The following PCDH9 variants were observed in gnomAD, a reference collection of about 807,000 sequenced individuals.
The protein encoded by PCDH9 is protocadherin-9.
In PCDH9, 24 loss-of-function variants were observed where a neutral mutation model predicts 70.6. The observed-to-expected ratio is 0.34, with a 90% CI of 0.25 to 0.48. The LOEUF (loss-of-function observed/expected upper bound fraction) is 0.48, where lower values mean the gene tolerates loss of function less well. PCDH9 is among the 20% of genes least tolerant of loss of function. PCDH9 has a pLI of 0.99. For missense variants in PCDH9, 1,281 were observed against 1,503.6 expected, an observed-to-expected ratio of 0.85 and a Z score of 2.45; for synonymous variants, 562 against 558.5, an observed-to-expected ratio of 1.01 and a Z score of -0.09.
rs200939663 is a variant in PCDH9, at chr13:66,443,694, TATG to T, written c.3341-138669_3341-138667del. On this transcript the variant is annotated intron_variant, in intron 4 of 4. Coordinates refer to ENST00000377865, the MANE Select transcript of PCDH9 (RefSeq NM_203487.3). ...CTTGTCTTCAGTTCTTGGTAACATTTATGATATTTGATTTATTATTCTGGAATT... is the reference window on the plus strand; with the variant it reads ...CTTGTCTTCAGTTCTTGGTAACATTTATATTTGATTTATTATTCTGGAATT... Among the ~76,000 whole-genome samples the T allele has an allele frequency of 9.0e-3, 1,377 of 152,278 alleles. 20 individuals are homozygous for T. Among genetic ancestry groups the T allele is most frequent in the Middle Eastern group, 0.051 (15 of 292 alleles).
intron 3 of PCDH9, among the ~76,000 whole-genome samples, chr13:66,809,565 G>T (rs1180160595): frequency 6.6e-6 from 1 of 152,102 alleles, no homozygotes; most frequent in Non-Finnish European, 1.5e-5. Context: ...ATAAATTGCT[G>T]CTTAGAATCA....
intron 3 of PCDH9, among the ~76,000 whole-genome samples, chr13:66,786,616 A>G (rs1435987721): frequency 6.6e-6 from 1 of 152,194 alleles, no homozygotes; most frequent in Non-Finnish European, 1.5e-5. Flanking sequence ...CAAGATTTCT[A>G]TTACTTGCAG....
chr13:66,340,666 T>C (rs1566253363), intron 4 of PCDH9, among the ~76,000 whole-genome samples: 1 of 152,210 alleles, frequency 6.6e-6, no homozygotes, highest in South Asian at 2.1e-4. Flanking sequence ...GTTATTTCCA[T>C]GGTTAATTCA....
At chr13:66,828,988 A>C (rs1332974512) in intron 3 of PCDH9, among the ~76,000 whole-genome samples, 8 of 151,114 alleles carry the variant, frequency 5.3e-5, no homozygotes, top group South Asian at 2.1e-4. Context: ...GCATTATTGA[A>C]AAAGAAAGAT....
At chr13:66,808,036 T>C (rs1251386474) in intron 3 of PCDH9, among the ~76,000 whole-genome samples, 1 of 152,218 alleles carries the variant, frequency 6.6e-6, no homozygotes, top group Non-Finnish European at 1.5e-5. Context: ...ACAGGTCATC[T>C]GTGCTTAGGA....
intron 2 of PCDH9, among the ~76,000 whole-genome samples, chr13:66,919,955 TG>T (rs1158042034): frequency 4.0e-5 from 6 of 151,098 alleles, no homozygotes; most frequent in Non-Finnish European, 8.9e-5. Flanking sequence ...ATTAGGGTAA[TG>T]TTTTTTTTAA....
At chr13:66,753,960 T>A (rs920545112) in intron 3 of PCDH9, among the ~76,000 whole-genome samples, 1 of 152,224 alleles carries the variant, frequency 6.6e-6, no homozygotes, top group Non-Finnish European at 1.5e-5. Flanking sequence ...AATGCATTGA[T>A]TATTAATGAA....
At chr13:67,104,837 C>T (rs188220197) in intron 2 of PCDH9, among the ~76,000 whole-genome samples, 3 of 152,358 alleles carry the variant, frequency 2.0e-5, no homozygotes, top group Admixed American at 1.3e-4. Context: ...GCGCGAGCCA[C>T]CGCGCTGGGC....
chr13:66,894,069 T>C (rs1020581269), intron 3 of PCDH9, among the ~76,000 whole-genome samples: 1 of 152,134 alleles, frequency 6.6e-6, no homozygotes, highest in African/African-American at 2.4e-5. Flanking sequence ...GGCATATGGA[T>C]CTCCTGATGG....
At chr13:66,554,714 A>G (rs1274492190) in intron 4 of PCDH9, among the ~76,000 whole-genome samples, 1 of 152,156 alleles carries the variant, frequency 6.6e-6, no homozygotes, top group Non-Finnish European at 1.5e-5. Context: ...AGAGCTTCTA[A>G]AAGAAAGAGA....
intron 3 of PCDH9, among the ~76,000 whole-genome samples, chr13:66,861,969 A>G (rs1028527301): frequency 1.3e-5 from 2 of 152,212 alleles, no homozygotes; most frequent in East Asian, 3.8e-4. Flanking sequence ...TTTATAAAAG[A>G]AAGACTGCTG....
intron 3 of PCDH9, among the ~76,000 whole-genome samples, chr13:66,638,311 G>C (rs1467532440): frequency 6.6e-6 from 1 of 152,094 alleles, no homozygotes; most frequent in Non-Finnish European, 1.5e-5. Context: ...AAACTATGCA[G>C]ACTTAGGCAA....
chr13:66,428,060 C>A (rs994041371), intron 4 of PCDH9, among the ~76,000 whole-genome samples: 1 of 151,456 alleles, frequency 6.6e-6, no homozygotes, highest in Non-Finnish European at 1.5e-5. Flanking sequence ...TGAAAGAAAC[C>A]ATATGTGGCT....
At chr13:66,696,376 A>G (rs560892530) in intron 3 of PCDH9, among the ~76,000 whole-genome samples, 4 of 152,352 alleles carry the variant, frequency 2.6e-5, no homozygotes, top group Non-Finnish European at 5.9e-5. Flanking sequence ...CTGAAATATT[A>G]ATCTGTGTTT....
chr13:66,923,699 G>A (rs1186997898), intron 2 of PCDH9, among the ~76,000 whole-genome samples: 2 of 151,644 alleles, frequency 1.3e-5, no homozygotes, highest in Non-Finnish European at 2.9e-5. Context: ...ATGTCACAAA[G>A]CCAATTGGTT....
intron 3 of PCDH9, among the ~76,000 whole-genome samples, chr13:66,870,748 G>C (rs1318304383): frequency 6.6e-6 from 1 of 152,158 alleles, no homozygotes; most frequent in South Asian, 2.1e-4. Context: ...ACAGGTGCTG[G>C]AGAGGATGTG....
At chr13:66,679,194 C>A (rs962472510) in intron 3 of PCDH9, among the ~76,000 whole-genome samples, 31 of 151,520 alleles carry the variant, frequency 2.0e-4, no homozygotes, top group African/African-American at 7.5e-4. Flanking sequence ...TTCTGAAAAA[C>A]AATTTAATCT....
At chr13:66,550,741 A>T (rs997122986) in intron 4 of PCDH9, among the ~76,000 whole-genome samples, 4 of 152,016 alleles carry the variant, frequency 2.6e-5, no homozygotes, top group African/African-American at 9.7e-5. Context: ...TTGCAGCTAA[A>T]CCCCCTCTTA....
At chr13:67,056,965 G>GT (rs1183228282) in intron 2 of PCDH9, among the ~76,000 whole-genome samples, 3 of 152,054 alleles carry the variant, frequency 2.0e-5, no homozygotes, top group Non-Finnish European at 4.4e-5. Flanking sequence ...TATTTATACT[G>GT]TGTCTATATT....
Sources: gnomAD v4.1 joint callset for allele counts (sites outside exome capture counted in the v4.1 genomes callset) on GRCh38, gnomAD v4.1.1 for gene constraint, MANE v1.5 for transcripts, NCBI Gene and HGNC (gene_info 2026-07-23, HGNC 2026-07-21) for gene names.